The following PARD3B variants were observed in gnomAD, a reference collection of about 807,000 sequenced individuals.
The protein encoded by PARD3B is par-3 family cell polarity regulator beta, also known as partitioning defective 3 homolog B.
In PARD3B, 103 loss-of-function variants were observed where a neutral mutation model predicts 130.2. That is an observed-to-expected ratio of 0.79 (90% CI 0.67 to 0.93). PARD3B has a LOEUF of 0.93. PARD3B is among the 40% of genes least tolerant of loss of function. The pLI is 0.00. For synonymous variants in PARD3B, 583 were observed against 553.2 expected, an observed-to-expected ratio of 1.05 and a Z score of -0.76; for missense variants, 1,609 against 1,499.2, an observed-to-expected ratio of 1.07 and a Z score of -1.21.
rs183967614 is a variant in PARD3B at position 204,980,165 on chromosome 2, C to T, written c.394+14842C>T. 5.1e-3 allele frequency among the ~76,000 whole-genome samples: 778 copies of T among 152,260 alleles called. 9 individuals are homozygous for T. The highest frequency in any genetic ancestry group is 0.018 in the African/African-American group (740 of 41,554). Reference sequence around the variant, plus strand: ...TGCTCAATAGAAAAATAGGAAAGAACCCTAACAGGCACTTCATAAAATGGC... The same window carrying T: ...TGCTCAATAGAAAAATAGGAAAGAATCCTAACAGGCACTTCATAAAATGGC... On this transcript the variant is annotated intron_variant, in intron 3 of 22. Coordinates refer to ENST00000406610, the MANE Select transcript of PARD3B (RefSeq NM_001302769.2).
At chr2:205,192,607 T>C (rs1466518040) in intron 14 of PARD3B, among the ~76,000 whole-genome samples, 1 of 152,234 alleles carries the variant, frequency 6.6e-6, no homozygotes, top group Non-Finnish European at 1.5e-5. Flanking sequence ...GGGCATTTGA[T>C]GTATCTTGTG....
Position 204,909,800 on chromosome 2 carries a change from T to C in PARD3B, c.223-55352T>C, listed in dbSNP as rs866684056. On this transcript the variant is annotated intron_variant, in intron 2 of 22. Coordinates refer to ENST00000406610, the MANE Select transcript of PARD3B (RefSeq NM_001302769.2). ...GATTGACTTTTGAAATCATCATTTT[T>C]GTTGCACAGTATTTCAGTGCATGAA... Among the ~76,000 whole-genome samples, 187 of 152,324 alleles carry C rather than the reference T, an allele frequency of 1.2e-3. 1 individual carries two copies. The highest frequency in any genetic ancestry group is 4.0e-3 in the African/African-American group (168 of 41,568).
intron 10 of PARD3B, among the ~76,000 whole-genome samples, chr2:205,157,305 A>T (rs2034234867): frequency 6.6e-6 from 1 of 152,224 alleles, no homozygotes. Flanking sequence ...GAATCAAATA[A>T]TGGGATTTGT....
At chr2:205,466,043 A>C (rs1031491384) in intron 20 of PARD3B, among the ~76,000 whole-genome samples, 2 of 152,156 alleles carry the variant, frequency 1.3e-5, no homozygotes, top group African/African-American at 4.8e-5. Context: ...GATGCATTCA[A>C]ATCACCTGGG....
At chr2:204,868,114 G>T (rs995414722) in intron 2 of PARD3B, among the ~76,000 whole-genome samples, 2 of 152,138 alleles carry the variant, frequency 1.3e-5, no homozygotes, top group Non-Finnish European at 2.9e-5. Flanking sequence ...GGGTGGTGAA[G>T]GGTCTATGTG....
intron 3 of PARD3B, among the ~76,000 whole-genome samples, chr2:205,039,672 G>C (rs911501060): frequency 3.3e-5 from 5 of 152,032 alleles, no homozygotes; most frequent in Non-Finnish European, 7.4e-5. Context: ...GTTTTGTCAT[G>C]TTGGCCAGGC....
chr2:204,573,661 G>T (rs185448345), intron 1 of PARD3B, among the ~76,000 whole-genome samples: 1 of 152,300 alleles, frequency 6.6e-6, no homozygotes, highest in East Asian at 1.9e-4. Context: ...TCCTCGTTGT[G>T]ATTGGTATAC....
chr2:204,813,097 A>G (rs952748267), intron 2 of PARD3B, among the ~76,000 whole-genome samples: 8 of 152,190 alleles, frequency 5.3e-5, no homozygotes, highest in Admixed American at 5.2e-4. Flanking sequence ...GAATGGCTGG[A>G]TCATATGATC....
rs1465264930 is a variant in PARD3B at position 204,907,475 on chromosome 2, G to GC, written c.223-57672dup. On this transcript the variant is annotated intron_variant, in intron 2 of 22. Coordinates refer to ENST00000406610, the MANE Select transcript of PARD3B (RefSeq NM_001302769.2). This position sits in a 1 kb window ranked among gnomAD's most constrained non-coding sequence, Gnocchi z 5.7. ...TCCCAATGCAGCTAATTTCTCTGGA[G>GC]CCCCCTGCTACTAATGCAGAATAAA... Among the ~76,000 whole-genome samples the GC allele has an allele frequency of 6.6e-6, 1 of 152,108 alleles. No homozygotes were observed. The highest frequency in any genetic ancestry group is 1.5e-5 in the Non-Finnish European group (1 of 68,020).
intron 20 of PARD3B, among the ~76,000 whole-genome samples, chr2:205,487,819 GC>G (rs1372517614): frequency 6.6e-6 from 1 of 152,172 alleles, no homozygotes; most frequent in African/African-American, 2.4e-5. Context: ...TTTGATTTAA[GC>G]CTAAAAGATA....
chr2:205,213,465 T>C (rs984976815), intron 15 of PARD3B, among the ~76,000 whole-genome samples: 1 of 152,112 alleles, frequency 6.6e-6, no homozygotes, highest in Non-Finnish European at 1.5e-5. Context: ...AAATCCAAGA[T>C]GAATGAGTGA....
intron 2 of PARD3B, among the ~76,000 whole-genome samples, chr2:204,938,552 C>A (rs1170746578): frequency 6.6e-6 from 1 of 152,176 alleles, no homozygotes; most frequent in East Asian, 1.9e-4. Context: ...CCTTTCCTTT[C>A]AACACTTAAA....
intron 1 of PARD3B, among the ~76,000 whole-genome samples, chr2:204,637,520 C>T (rs918872728): frequency 1.3e-5 from 2 of 152,110 alleles, no homozygotes; most frequent in Non-Finnish European, 2.9e-5. Flanking sequence ...GTACTAAATT[C>T]TCATATTTTT....
chr2:204,779,229 C>T (rs1333647685), intron 2 of PARD3B, among the ~76,000 whole-genome samples: 3 of 152,244 alleles, frequency 2.0e-5, no homozygotes, highest in East Asian at 1.9e-4. Flanking sequence ...TTTACCTTCT[C>T]TATATAATTA....
At chr2:205,567,191 TAGAG>T (rs1275171042) in intron 22 of PARD3B, among the ~76,000 whole-genome samples, 1 of 150,394 alleles carries the variant, frequency 6.6e-6, no homozygotes, top group Non-Finnish European at 1.5e-5. Flanking sequence ...TATGTATGTA[TAGAG>T]AGAGAAAGAG....
rs928484125 is a variant in PARD3B at position 205,562,683 on chromosome 2, C to A, written c.3260+9280C>A. Among the ~76,000 whole-genome samples, 2 of 152,192 alleles carry A rather than the reference C, an allele frequency of 1.3e-5. No individual in the cohort carries two copies. The highest frequency in any genetic ancestry group is 4.8e-5 in the African/African-American group (2 of 41,456). ...ATCTGCTTAGAGTATTGCTCTATAT[C>A]TCATTTCTCATAATCTTTGGTAGTT... On this transcript the variant is annotated intron_variant, in intron 22 of 22. Transcript: ENST00000406610. The surrounding 1 kb of genome is among the most constrained non-coding windows in gnomAD (Gnocchi z 5.4).
Position 205,446,498 on chromosome 2 carries a change from C to A in PARD3B, c.3044+5826C>A, listed in dbSNP as rs1420447431. The stretch of plus-strand genomic sequence containing the variant: ...TTTTCTATCTCCATATGAAACATAC[C>A]CTATTTGTCCATATATCTCTGTCAC... On this transcript the variant is annotated intron_variant, in intron 20 of 22. Coordinates refer to ENST00000406610, the MANE Select transcript of PARD3B (RefSeq NM_001302769.2). This position sits in a 1 kb window ranked among gnomAD's most constrained non-coding sequence, Gnocchi z 4.4. Among the ~76,000 whole-genome samples, 1 of 151,548 alleles carries A rather than the reference C, an allele frequency of 6.6e-6. No individual in the cohort carries two copies. Among genetic ancestry groups the A allele is most frequent in the African/African-American group, 2.4e-5 (1 of 41,236 alleles).
intron 1 of PARD3B, among the ~76,000 whole-genome samples, chr2:204,642,875 A>G (rs902832911): frequency 3.2e-4 from 48 of 151,234 alleles, no homozygotes; most frequent in Non-Finnish European, 6.3e-4. Flanking sequence ...GCACTTTGGG[A>G]GGCCGAGGCG....
intron 2 of PARD3B, among the ~76,000 whole-genome samples, chr2:204,922,168 A>G (rs930982271): frequency 6.6e-6 from 1 of 152,160 alleles, no homozygotes; most frequent in Non-Finnish European, 1.5e-5. Flanking sequence ...GGGGAGATTC[A>G]ACGGCCATTT....
Sources: gnomAD v4.1 joint callset for allele counts (sites outside exome capture counted in the v4.1 genomes callset) on GRCh38, gnomAD v4.1.1 for gene constraint, Gnocchi (gnomAD v3.1) non-coding constraint, MANE v1.5 for transcripts, NCBI Gene and HGNC (gene_info 2026-07-23, HGNC 2026-07-21) for gene names.